The following DIP2C variants were observed in gnomAD, a reference collection of about 807,000 sequenced individuals.
DIP2C encodes the protein disco-interacting protein 2 homolog C.
In DIP2C, 33 loss-of-function variants were observed where a neutral mutation model predicts 192.4. That is an observed-to-expected ratio of 0.17 (90% CI 0.13 to 0.23). The LOEUF is 0.23. Ranked by LOEUF, DIP2C falls within the 10% of genes least tolerant of loss-of-function variation. The pLI, the probability that DIP2C is intolerant of heterozygous loss-of-function variation, is 1.00. For missense variants in DIP2C, 1,537 were observed against 2,110.1 expected, an observed-to-expected ratio of 0.73 and a Z score of 5.32; for synonymous variants, 979 against 864.1, an observed-to-expected ratio of 1.13 and a Z score of -2.33.
At chr10:448,381 G>C (rs1172656143) in intron 3 of DIP2C, among the ~76,000 whole-genome samples, 1 of 142,198 alleles carries the variant, frequency 7.0e-6, no homozygotes, top group Non-Finnish European at 1.5e-5. Context: ...TCGATACTCA[G>C]GATCACACGC....
At chr10:635,492 A>G (rs1184556187) in intron 1 of DIP2C, among the ~76,000 whole-genome samples, 1 of 152,220 alleles carries the variant, frequency 6.6e-6, no homozygotes, top group Non-Finnish European at 1.5e-5. Context: ...GAGGCCGGGA[A>G]GCCGGGTCTC....
In DIP2C at chr10:349,593, A is replaced by G. The variant is rs78928835; in HGVS notation, c.2986-139T>C. Reference sequence around the variant, plus strand: ...GAACAAGCACAGACCTGTGCAACCAACATGACAGTCAATTTTAGAACGTTT... The same window carrying G: ...GAACAAGCACAGACCTGTGCAACCAGCATGACAGTCAATTTTAGAACGTTT... On this transcript the variant is annotated intron_variant, in intron 24 of 36. Transcript: ENST00000280886. The G allele has an allele frequency of 2.3e-3, 2,662 of 1,166,360 alleles. 44 individuals are homozygous for G. In the African/African-American group the frequency reaches 0.036, roughly 16 times the overall value. The allele number at this position is 1,166,360 out of a possible 1,614,324, so 72.3% of individuals were successfully genotyped here. A position where few individuals can be genotyped will look rare whatever the true frequency, so the allele number is the denominator to read the frequency against.
intron 1 of DIP2C, among the ~76,000 whole-genome samples, chr10:615,270 G>A (rs1002977857): frequency 4.6e-5 from 7 of 152,180 alleles, no homozygotes; most frequent in African/African-American, 1.2e-4. Context: ...CATTTGTACC[G>A]TGATTAGACA....
chr10:359,397 AGCAGATGTCTGG>A lies in DIP2C; in HGVS notation c.2795-1472_2795-1461del, dbSNP rs544318257. 8.5e-5 allele frequency among the ~76,000 whole-genome samples: 13 copies of A among 152,302 alleles called. No homozygotes were observed. In the East Asian group the frequency reaches 2.1e-3, roughly 25 times the overall value. Reference sequence around the variant, plus strand: ...GAAATCTGGAGGAGAACGGTCTATGAGCAGATGTCTGGGCTGCTGCCTGCCGGTGCCTTGGGT... The same window carrying A: ...GAAATCTGGAGGAGAACGGTCTATGAGCTGCTGCCTGCCGGTGCCTTGGGT... On this transcript the variant is annotated intron_variant, in intron 22 of 36. Transcript: ENST00000280886.
chr10:297,564 G>A (rs957625270), intron 32 of DIP2C, among the ~76,000 whole-genome samples: 1 of 152,186 alleles, frequency 6.6e-6, no homozygotes, highest in Non-Finnish European at 1.5e-5. Flanking sequence ...AGTGAAATAA[G>A]CCAGGAATAG....
intron 22 of DIP2C, among the ~76,000 whole-genome samples, 172 bp from the exon 23 acceptor site, chr10:358,109 T>C (rs115331735): frequency 0.014 from 2,094 of 151,696 alleles, 52 homozygotes; most frequent in African/African-American, 0.048. Flanking sequence ...GAAGGGGGAG[T>C]GTAACAAGCC....
chr10:466,631 A>G (rs1289723306), intron 3 of DIP2C, among the ~76,000 whole-genome samples: 1 of 146,272 alleles, frequency 6.8e-6, no homozygotes, highest in Non-Finnish European at 1.5e-5. Flanking sequence ...AATTTTCACA[A>G]CCTACTCATC....
intron 1 of DIP2C, among the ~76,000 whole-genome samples, chr10:599,538 C>T (rs1851922501): frequency 6.6e-6 from 1 of 152,178 alleles, no homozygotes; most frequent in African/African-American, 2.4e-5. Flanking sequence ...ACCAGCTGTT[C>T]ACTCGTGGGT....
chr10:522,531 C>T (rs1846778381), intron 1 of DIP2C, among the ~76,000 whole-genome samples: 1 of 152,248 alleles, frequency 6.6e-6, no homozygotes, highest in South Asian at 2.1e-4. Flanking sequence ...AAGTGAGGGT[C>T]CTGATGCCCC....
intron 1 of DIP2C, among the ~76,000 whole-genome samples, chr10:564,101 G>C (rs941377048): frequency 3.3e-5 from 5 of 152,142 alleles, no homozygotes; most frequent in African/African-American, 1.2e-4. Context: ...AAAAAATATG[G>C]AACAGAAAAA....
rs1209141488 is a variant in DIP2C, at chr10:477,488, GGGTGGGA to G, written c.158-4946_158-4940del. Among the ~76,000 whole-genome samples, 5 of 11,250 alleles carry G rather than the reference GGGTGGGA, an allele frequency of 4.4e-4. 1 individual carries two copies. The highest frequency in any genetic ancestry group is 6.6e-4 in the African/African-American group (5 of 7,624). 7.4% of individuals were successfully genotyped at this position (11,250 alleles called of 152,430 possible). Reference sequence around the variant, plus strand: ...GTGGGAGGTGGGGAGGAAGGTGGATGGGTGGGAGGTGGGAGGTGGGGAGGAAGGTGGA... The same window carrying G: ...GTGGGAGGTGGGGAGGAAGGTGGATGGGTGGGAGGTGGGGAGGAAGGTGGA... On this transcript the variant is annotated intron_variant, in intron 2 of 36. Transcript: ENST00000280886.
At position 548,913 on chromosome 10, in the gene DIP2C, A is replaced by AAAG. The variant is rs1464397336; in HGVS notation, c.86-62384_86-62383insCTT. Among the ~76,000 whole-genome samples, 123 of 101,816 alleles carry AAAG rather than the reference A, an allele frequency of 1.2e-3. 2 individuals carry two copies. Among genetic ancestry groups the AAAG allele is most frequent in the Non-Finnish European group, 2.1e-3 (111 of 52,730 alleles). 66.8% of individuals were successfully genotyped at this position (101,816 alleles called of 152,430 possible). Reference sequence around the variant, plus strand: ...TTGCAGGAAAAAATAGCAGCTCACAAAAAAAAAAAAAAAAAAAAAAAAAAA... The same window carrying AAAG: ...TTGCAGGAAAAAATAGCAGCTCACAAAAGAAAAAAAAAAAAAAAAAAAAAAAAA... On this transcript the variant is annotated intron_variant, in intron 1 of 36. Transcript: ENST00000280886.
At chr10:601,000 T>C (rs937311100) in intron 1 of DIP2C, among the ~76,000 whole-genome samples, 2 of 152,190 alleles carry the variant, frequency 1.3e-5, no homozygotes, top group African/African-American at 2.4e-5. Flanking sequence ...CCAAGACTCA[T>C]GGCACGTTAC....
At chr10:357,620 T>G (rs896170607) in intron 23 of DIP2C, among the ~76,000 whole-genome samples, 1 of 152,212 alleles carries the variant, frequency 6.6e-6, no homozygotes, top group Non-Finnish European at 1.5e-5. Flanking sequence ...AAGGAAGATC[T>G]GCAGTGGTGG....
At chr10:581,453 C>G (rs747403099) in intron 1 of DIP2C, among the ~76,000 whole-genome samples, 2 of 151,914 alleles carry the variant, frequency 1.3e-5, no homozygotes, top group Admixed American at 6.6e-5. Flanking sequence ...CAAAAATGTA[C>G]TTAGAGGTTT....
chr10:446,997 T>C lies in DIP2C; in HGVS notation c.269-6001A>G, dbSNP rs149272628. On this transcript the variant is annotated intron_variant, in intron 3 of 36. Coordinates refer to ENST00000280886, the MANE Select transcript of DIP2C (RefSeq NM_014974.3). ...TTGGGTTTGATGTAGTAATAATTTG[T>C]AAAAAGCTTCGGCATCTATATGTCA... Among the ~76,000 whole-genome samples the C allele has an allele frequency of 6.6e-3, 1,005 of 152,296 alleles. 15 individuals carry two copies. Among genetic ancestry groups the C allele is most frequent in the African/African-American group, 0.022 (924 of 41,548 alleles).
chr10:312,817 T>C (rs1956620656), intron 31 of DIP2C, among the ~76,000 whole-genome samples: 1 of 152,220 alleles, frequency 6.6e-6, no homozygotes, highest in Non-Finnish European at 1.5e-5. Context: ...AATGCAATGA[T>C]TTAAATAATT....
intron 1 of DIP2C, among the ~76,000 whole-genome samples, chr10:581,793 TC>T (rs1489959943): frequency 6.6e-6 from 1 of 152,042 alleles, no homozygotes; most frequent in African/African-American, 2.4e-5. Flanking sequence ...AAGCCTTCAA[TC>T]CCCCACCTTT....
At chr10:496,117 C>G (rs1482538425) in intron 1 of DIP2C, among the ~76,000 whole-genome samples, 1 of 134,290 alleles carries the variant, frequency 7.4e-6, no homozygotes, top group Non-Finnish European at 1.6e-5. Flanking sequence ...TACTTAAAAT[C>G]TCTACATTAC....
Sources: allele counts gnomAD v4.1 joint callset (sites outside exome capture counted in the v4.1 genomes callset), GRCh38; gene constraint gnomAD v4.1.1; transcripts MANE v1.5; gene names NCBI Gene and HGNC (gene_info 2026-07-23, HGNC 2026-07-21).